The following CDS1 variants were observed in gnomAD, a reference collection of about 807,000 sequenced individuals.
The protein encoded by CDS1 is phosphatidate cytidylyltransferase 1.
Under a neutral mutation model 62.1 loss-of-function variants are expected in CDS1, and 41 were observed. That is an observed-to-expected ratio of 0.66 (90% CI 0.51 to 0.86). The LOEUF (loss-of-function observed/expected upper bound fraction) is 0.86. CDS1 is among the 40% of genes least tolerant of loss of function. The pLI, the probability that CDS1 is intolerant of heterozygous loss-of-function variation, is 0.00. For missense variants in CDS1, 470 were observed against 550.1 expected (o/e 0.85, Z 1.46); for synonymous variants, 185 against 192.6 (o/e 0.96, Z 0.32).
intron 8 of CDS1, among the ~76,000 whole-genome samples, chr4:84,635,902 G>T (rs1201372067): frequency 1.3e-5 from 2 of 151,314 alleles, no homozygotes; most frequent in African/African-American, 4.9e-5. Flanking sequence ...GGCTTCAGGT[G>T]CATGCCACCA....
intron 3 of CDS1, among the ~76,000 whole-genome samples, chr4:84,610,006 C>T (rs1252838461): frequency 4.8e-5 from 7 of 145,532 alleles, no homozygotes; most frequent in African/African-American, 1.6e-4. Flanking sequence ...CAACACAGAC[C>T]ATCTCAAAAA....
intron 4 of CDS1, among the ~76,000 whole-genome samples, chr4:84,618,425 G>T (rs79263098): frequency 0.019 from 2,847 of 152,272 alleles, 85 homozygotes; most frequent in African/African-American, 0.066. Flanking sequence ...AAACCATGCA[G>T]TATTGATTCT....
chr4:84,631,990 G>A (rs773095796), intron 6 of CDS1, 113 bp downstream of exon 6: 129 of 651,196 alleles, frequency 2.0e-4, no homozygotes, highest in Non-Finnish European at 2.0e-4. Context: ...TTGCATGAAT[G>A]TGAGGGATAC....
intron 5 of CDS1, among the ~76,000 whole-genome samples, chr4:84,622,753 TGTAA>T (rs1329260394): frequency 1.3e-5 from 2 of 152,236 alleles, no homozygotes; most frequent in East Asian, 1.9e-4. Context: ...TTTCCTTTTC[TGTAA>T]GTAATAGGCC....
chr4:84,606,711 C>T (rs957465370), intron 2 of CDS1, among the ~76,000 whole-genome samples: 2 of 151,920 alleles, frequency 1.3e-5, no homozygotes, highest in Non-Finnish European at 2.9e-5. Flanking sequence ...AACAGGGTTT[C>T]ACTCTGTTGC....
chr4:84,598,462 C>T (rs935318135), intron 1 of CDS1, among the ~76,000 whole-genome samples: 5 of 150,986 alleles, frequency 3.3e-5, no homozygotes, highest in South Asian at 2.1e-4. Flanking sequence ...ATGTGCACAA[C>T]GTGCAGGTTT....
intron 5 of CDS1, among the ~76,000 whole-genome samples, chr4:84,621,646 C>T (rs971985507): frequency 6.6e-6 from 1 of 152,154 alleles, no homozygotes; most frequent in Admixed American, 6.5e-5. Flanking sequence ...AGGCTGGTCT[C>T]GAACTCCTGG....
intron 4 of CDS1, 77 bp downstream of exon 4, chr4:84,617,738 G>C (rs775652882): frequency 3.1e-6 from 2 of 646,592 alleles, no homozygotes; most frequent in Admixed American, 2.9e-5. Context: ...TGATCAGTCA[G>C]TATCCACTCA....
At chr4:84,588,797 G>A (rs1269372823) in intron 1 of CDS1, among the ~76,000 whole-genome samples, 1 of 152,218 alleles carries the variant, frequency 6.6e-6, no homozygotes, top group Non-Finnish European at 1.5e-5. Flanking sequence ...ATGTGTAGAA[G>A]TAATTGGAGA....
chr4:84,634,777 T>C (rs1343335878), intron 7 of CDS1, among the ~76,000 whole-genome samples: 2 of 152,210 alleles, frequency 1.3e-5, no homozygotes, highest in Non-Finnish European at 2.9e-5. Context: ...AAGTAGGTTC[T>C]GTACATTCAG....
chr4:84,596,198 G>A (rs1286593871), intron 1 of CDS1, among the ~76,000 whole-genome samples: 1 of 152,172 alleles, frequency 6.6e-6, no homozygotes, highest in Admixed American at 6.5e-5. Context: ...ACAAATGTTG[G>A]CATGCGAAGA....
intron 5 of CDS1, among the ~76,000 whole-genome samples, chr4:84,621,793 CT>C (rs1723694241): frequency 6.6e-6 from 1 of 152,122 alleles, no homozygotes; most frequent in Non-Finnish European, 1.5e-5. Flanking sequence ...AAACTTTTCA[CT>C]GCTATATCTA....
intron 8 of CDS1, among the ~76,000 whole-genome samples, chr4:84,635,696 T>TTCCCTCCTTCCCTCCCTCCC (rs1724184086): frequency 1.7e-5 from 1 of 58,408 alleles, no homozygotes; most frequent in South Asian, 9.8e-4. Flanking sequence ...CCTTCCCTCC[T>TTCCCTCCTTCCCTCCCTCCC]TCCCTCCCTC....
At chr4:84,644,064 G>A (rs982716852) in intron 11 of CDS1, among the ~76,000 whole-genome samples, 2 of 152,160 alleles carry the variant, frequency 1.3e-5, no homozygotes, top group Non-Finnish European at 2.9e-5. Flanking sequence ...GTGTGGCTGT[G>A]GTTGAGAGTA....
chr4:84,610,906 C>T (rs1028978230), intron 3 of CDS1, among the ~76,000 whole-genome samples: 7 of 152,288 alleles, frequency 4.6e-5, no homozygotes, highest in South Asian at 2.1e-4. Flanking sequence ...AATTGCCTAA[C>T]GATGCATTTC....
intron 1 of CDS1, among the ~76,000 whole-genome samples, chr4:84,601,574 C>T (rs1309841429): frequency 2.6e-5 from 4 of 152,038 alleles, no homozygotes; most frequent in Non-Finnish European, 5.9e-5. Flanking sequence ...TAAATTATGA[C>T]CTGGAGAAGA....
At chr4:84,636,611 G>A (rs1287642803) in intron 8 of CDS1, among the ~76,000 whole-genome samples, 2 of 152,014 alleles carry the variant, frequency 1.3e-5, no homozygotes, top group Admixed American at 6.5e-5. Flanking sequence ...TGCAACCTCC[G>A]CCTCCTGGGT....
chr4:84,619,403 A>G lies in CDS1; in HGVS notation c.450A>G (p.Leu150=). The part of the protein sequence containing the change: ...PWFRTLSWYF[L]LCVNYFFYGE... ...TGTTTTTAAATTATAGGTACTTTCT[A>G]TTGTGTGTAAACTACTTTTTCTATG... is the stretch of plus-strand genomic sequence containing the variant. Residue 150 remains leucine (L), a synonymous_variant, in exon 5 of 13, where the codon CTA becomes CTG. Coordinates refer to ENST00000295887, the MANE Select transcript of CDS1 (RefSeq NM_001263.4). 5 of 1,520,400 alleles carry G rather than the reference A, an allele frequency of 3.3e-6. No homozygotes were observed. Among genetic ancestry groups the G allele is most frequent in the Non-Finnish European group, 4.5e-6 (5 of 1,115,024 alleles). 94.2% of individuals were successfully genotyped at this position (1,520,400 alleles called of 1,614,324 possible).
intron 5 of CDS1, among the ~76,000 whole-genome samples, chr4:84,627,494 A>G (rs1723897839): frequency 6.6e-6 from 1 of 152,214 alleles, no homozygotes; most frequent in Non-Finnish European, 1.5e-5. Flanking sequence ...AAACCAGAGC[A>G]GTCATGCAAT....
Sources: allele counts gnomAD v4.1 joint callset (sites outside exome capture counted in the v4.1 genomes callset), GRCh38; gene constraint gnomAD v4.1.1; transcripts MANE v1.5; gene names NCBI Gene and HGNC (gene_info 2026-07-23, HGNC 2026-07-21).